VWA3A: variants seen among roughly 807,000 people sequenced by gnomAD.
VWA3A encodes the protein von Willebrand factor A domain containing 3A.
Under a neutral mutation model 160.4 loss-of-function variants are expected in VWA3A, and 134 were observed. The ratio of observed to expected loss-of-function variants is 0.84; its 90% CI spans 0.73 to 0.96. VWA3A has a LOEUF of 0.96. VWA3A is among the 40% of genes least tolerant of loss of function. VWA3A has a pLI of 0.00. For missense variants in VWA3A, 1,310 were observed against 1,447.9 expected (o/e 0.90, Z 1.55); for synonymous variants, 476 against 543.4 (o/e 0.88, Z 1.72).
chr16:22,109,406 C>A (rs1313853722), intron 6 of VWA3A, 76 bp from the exon 7 acceptor site: 10 of 1,224,986 alleles, frequency 8.2e-6, no homozygotes, highest in East Asian at 2.5e-5. Context: ...TGCATCACTG[C>A]GTGGCACAGA....
chr16:22,145,485 A>C (rs1312429244), intron 26 of VWA3A, among the ~76,000 whole-genome samples: 4 of 152,098 alleles, frequency 2.6e-5, no homozygotes, highest in African/African-American at 7.2e-5. Context: ...CTGTAAATAC[A>C]AAAATTAGCC....
At chr16:22,093,959 G>T (rs77881002) in intron 1 of VWA3A, among the ~76,000 whole-genome samples, 1 of 149,000 alleles carries the variant, frequency 6.7e-6, no homozygotes, top group Non-Finnish European at 1.5e-5. Context: ...TTTTTATATA[G>T]AGACGGGGTC....
At chr16:22,100,709 G>A (rs1054755524) in intron 5 of VWA3A, among the ~76,000 whole-genome samples, 3 of 151,746 alleles carry the variant, frequency 2.0e-5, no homozygotes, top group Non-Finnish European at 4.4e-5. Context: ...AGTCCTGGTG[G>A]TGCATGCCTG....
At chr16:22,103,659 A>AGGTT in intron 6 of VWA3A, 130 bp downstream of exon 6, 8 of 1,035,578 alleles carry the variant, frequency 7.7e-6, no homozygotes, top group South Asian at 1.6e-5. Context: ...TTACTAACCT[A>AGGTT]AGTAAATGAA....
chr16:22,097,004 C>G, intron 2 of VWA3A, 59 bp downstream of exon 2: 3 of 1,153,642 alleles, frequency 2.6e-6, no homozygotes, highest in Non-Finnish European at 3.7e-6. Flanking sequence ...CTCGCACTGT[C>G]TCCCAGGCTG....
chr16:22,154,323 C>CTTTTTTTTTTTTT (rs988862954), intron 31 of VWA3A, among the ~76,000 whole-genome samples: 415 of 73,796 alleles, frequency 5.6e-3, no homozygotes, highest in Non-Finnish European at 7.3e-3. Context: ...TTTTCTTTTT[C>CTTTTTTTTTTTTT]TTTTTTTTTT....
intron 5 of VWA3A, among the ~76,000 whole-genome samples, chr16:22,100,882 A>G (rs1423422630): frequency 6.8e-6 from 1 of 147,432 alleles, no homozygotes; most frequent in African/African-American, 2.5e-5. Flanking sequence ...AGAAAGAATT[A>G]TGTCATTTCA....
chr16:22,105,708 A>G (rs1027323854), intron 6 of VWA3A, among the ~76,000 whole-genome samples: 4 of 152,182 alleles, frequency 2.6e-5, no homozygotes, highest in Admixed American at 1.3e-4. Context: ...AGTTATTTCT[A>G]TGGAATAAAT....
chr16:22,116,416 GA>G, intron 9 of VWA3A: 1 of 418,630 alleles, frequency 2.4e-6, no homozygotes, highest in Non-Finnish European at 4.5e-6. Flanking sequence ...AAAAACAAAG[GA>G]AAAAGGAAAG....
At chr16:22,140,291 C>T (rs372220698) in intron 23 of VWA3A, 47 bp downstream of exon 23, 148 of 1,569,906 alleles carry the variant, frequency 9.4e-5, no homozygotes, top group Middle Eastern at 3.4e-4. Context: ...GTCACGGTCA[C>T]GGCTGAGGCA....
intron 5 of VWA3A, among the ~76,000 whole-genome samples, chr16:22,101,332 G>T (rs1315753263): frequency 1.3e-5 from 2 of 152,164 alleles, no homozygotes; most frequent in Non-Finnish European, 2.9e-5. Flanking sequence ...TAAGAGTAAT[G>T]ACTTTCAATG....
At chr16:22,121,979 T>G (rs1342014605) in intron 14 of VWA3A, among the ~76,000 whole-genome samples, 1 of 152,144 alleles carries the variant, frequency 6.6e-6, no homozygotes, top group Admixed American at 6.6e-5. Context: ...TAAATCCCCA[T>G]CAAGTATGAA....
In VWA3A at chr16:22,095,226, C is replaced by T. The variant is rs556157164; in HGVS notation, c.15-1633C>T. ...AATATAATGGGATGCTGGAGATTTC[C>T]TGAAGGAAGTGATATTCAAGCTGAA... On this transcript the variant is annotated intron_variant, in intron 1 of 33. Transcript: ENST00000389398. Among the ~76,000 whole-genome samples the T allele has an allele frequency of 8.3e-4, 127 of 152,190 alleles. 6 individuals carry two copies. In the South Asian group the frequency reaches 0.026, roughly 31 times the overall value.
Position 22,126,222 on chromosome 16 carries a change from T to G in VWA3A, c.1577T>G (p.Ile526Ser). ...LDISATNSMY[I>S]IHIQHSLRLL... ...ATCTCTGCGACCAATTCCATGTACATTATTCATATCCAGCACTCCCTGCGG... is the reference window on the plus strand; with the variant it reads ...ATCTCTGCGACCAATTCCATGTACAGTATTCATATCCAGCACTCCCTGCGG... The change falls in exon 17 of 34, where the codon ATT (isoleucine) becomes AGT (serine). Residue 526 changes from isoleucine (I) to serine (S), a missense_variant. By Grantham distance (142) the Ile-to-Ser change is moderately radical. Transcript: ENST00000389398. 6.2e-7 allele frequency: 1 copy of G among 1,613,970 alleles called. No individual in the cohort carries two copies.
chr16:22,092,561 G>A lies in VWA3A; in HGVS notation c.-77G>A. The A allele has an allele frequency of 2.0e-6, 3 of 1,537,226 alleles. No homozygotes were observed. The highest frequency in any genetic ancestry group is 2.6e-6 in the Non-Finnish European group (3 of 1,137,486). On this transcript the variant is annotated 5_prime_UTR_variant, in exon 1 of 34. Transcript: ENST00000389398. ...CTGCTGAGTTGCTTGGAGGAGCTTG[G>A]AGAAACCAGAAGTGAGATCCAGGAG... is the stretch of plus-strand genomic sequence containing the variant.
chr16:22,148,437 G>A, intron 28 of VWA3A, 131 bp downstream of exon 28: 1 of 1,282,370 alleles, frequency 7.8e-7, no homozygotes, highest in Non-Finnish European at 1.0e-6. Context: ...ACGCGTTTGA[G>A]TAGGAAAGAG....
Position 22,134,351 on chromosome 16 carries a change from A to G in VWA3A, c.2069-17A>G. 6.3e-7 allele frequency: 1 copy of G among 1,588,000 alleles called. No homozygotes were observed. The highest frequency in any genetic ancestry group is 8.6e-7 in the Non-Finnish European group (1 of 1,166,510). ...CACACCCTGTCTCACCTTGCTCACG[A>G]TGTGCTTTGTTTCCAGGCATTTATG... On this transcript the variant is annotated splice_polypyrimidine_tract_variant and intron_variant, in intron 20 of 33. Transcript: ENST00000389398.
chr16:22,105,325 C>T (rs983735049), intron 6 of VWA3A, among the ~76,000 whole-genome samples: 1 of 152,134 alleles, frequency 6.6e-6, no homozygotes, highest in Admixed American at 6.5e-5. Context: ...ATGGAAGAGC[C>T]CAGGGAAACG....
At chr16:22,100,711 G>A (rs894905008) in intron 5 of VWA3A, among the ~76,000 whole-genome samples, 6 of 151,814 alleles carry the variant, frequency 4.0e-5, no homozygotes, top group East Asian at 3.9e-4. Context: ...TCCTGGTGGT[G>A]CATGCCTGTA....
Sources: allele counts gnomAD v4.1 joint callset (sites outside exome capture counted in the v4.1 genomes callset), GRCh38; gene constraint gnomAD v4.1.1; transcripts MANE v1.5; gene names NCBI Gene and HGNC (gene_info 2026-07-23, HGNC 2026-07-21).